The following TSEN15 variants were observed in gnomAD, a reference collection of about 807,000 sequenced individuals.
TSEN15 encodes the protein tRNA splicing endonuclease subunit 15.
Under a neutral mutation model 20.5 loss-of-function variants are expected in TSEN15, and 10 were observed. That is an observed-to-expected ratio of 0.49 (90% CI 0.30 to 0.83). TSEN15 has a LOEUF of 0.83. TSEN15 is among the 40% of genes least tolerant of loss of function. TSEN15 has a pLI of 0.06. For missense variants in TSEN15, 180 were observed against 218.6 expected (o/e 0.82, Z 1.11); for synonymous variants, 72 against 80.1 (o/e 0.90, Z 0.54).
chr1:184,063,684 T>C lies in TSEN15; in HGVS notation c.354-8473T>C, dbSNP rs574705775. ...AAGACTGCCAATAGTAATTTTTCTT[T>C]TTTAAAGGACATGATTAAAGAACAT... On this transcript the variant is annotated intron_variant, in intron 3 of 4. Transcript: ENST00000645668. 3.9e-5 allele frequency among the ~76,000 whole-genome samples: 6 copies of C among 152,296 alleles called. No homozygotes were observed. The East Asian group carries it at 9.6e-4, about 24-fold the overall frequency.
chr1:184,077,611 C>T (rs1651089142), downstream of TSEN15, among the ~76,000 whole-genome samples: 1 of 152,022 alleles, frequency 6.6e-6, no homozygotes, highest in African/African-American at 2.4e-5. Flanking sequence ...GACAACCTTC[C>T]AGAAAAGGAC....
At position 184,072,251 on chromosome 1, in the gene TSEN15, A is replaced by G. The variant is rs374264447; in HGVS notation, c.448A>G (p.Ile150Val). 45 of 1,613,374 alleles carry G rather than the reference A, an allele frequency of 2.8e-5. No individual in the cohort carries two copies. Among genetic ancestry groups the G allele is most frequent in the Non-Finnish European group, 3.7e-5 (44 of 1,179,696 alleles). Residue 150 changes from isoleucine to valine, a missense_variant, in exon 4 of 5, where the codon ATA (isoleucine) becomes GTA (valine). This residue lies in a region of TSEN15 where 28 missense variants were observed against 28.7 expected (regional missense o/e 0.98). Transcript: ENST00000645668. ...TLAIVESDST[I>V]VYYKLTDGFM... is the part of the protein sequence containing the mutation. ...GGCCATAGTGGAGTCTGATTCTACAATAGTCTATTATAAACTTACTGATGG... is the reference window on the plus strand; with the variant it reads ...GGCCATAGTGGAGTCTGATTCTACAGTAGTCTATTATAAACTTACTGATGG...
At chr1:184,066,125 G>C (rs1377294391) in intron 3 of TSEN15, among the ~76,000 whole-genome samples, 2 of 152,058 alleles carry the variant, frequency 1.3e-5, no homozygotes, top group South Asian at 2.1e-4. Context: ...TTTACATTAA[G>C]GTCTGTGATC....
chr1:184,060,235 A>G (rs1426271713), intron 3 of TSEN15, among the ~76,000 whole-genome samples: 2 of 152,232 alleles, frequency 1.3e-5, no homozygotes, highest in Non-Finnish European at 2.9e-5. Flanking sequence ...GGAACTTTTG[A>G]ACAGAACTAC....
At chr1:184,077,543 G>A (rs777841835), downstream of TSEN15, among the ~76,000 whole-genome samples, 4 of 152,102 alleles carry the variant, frequency 2.6e-5, no homozygotes, top group Non-Finnish European at 5.9e-5. Flanking sequence ...AATACATTTT[G>A]TAAGGCTGTA....
chr1:184,054,131 C>T (rs1258790374), intron 1 of TSEN15, among the ~76,000 whole-genome samples: 1 of 152,196 alleles, frequency 6.6e-6, no homozygotes, highest in Non-Finnish European at 1.5e-5. Context: ...TTTTTAATCA[C>T]TTACAGTCAT....
At chr1:184,072,548 TATTTTATGAAGTC>T (rs1650924846) in intron 4 of TSEN15, 2 of 553,320 alleles carry the variant, frequency 3.6e-6, no homozygotes, top group Non-Finnish European at 6.2e-6. Flanking sequence ...TTTTCCAAAG[TATTTTATGAAGTC>T]ATCATGCATT....
intron 3 of TSEN15, among the ~76,000 whole-genome samples, chr1:184,066,454 G>A (rs569982214): frequency 1.5e-4 from 23 of 152,012 alleles, no homozygotes; most frequent in Middle Eastern, 3.4e-3. Context: ...CCAAGTTGGA[G>A]TGGAGTGGCA....
chr1:184,070,806 A>C (rs1250410831), intron 3 of TSEN15: 4 of 476,146 alleles, frequency 8.4e-6, no homozygotes, highest in Non-Finnish European at 1.2e-5. Flanking sequence ...CATTCTTGTG[A>C]ATAAGAATCT....
At chr1:184,087,202 CA>C (rs1051892270) in intron 3 of TSEN15, among the ~76,000 whole-genome samples, 38 of 152,122 alleles carry the variant, frequency 2.5e-4, no homozygotes, top group African/African-American at 8.4e-4. Flanking sequence ...AAAGAAAATA[CA>C]TAATTTTAAT....
intron 4 of TSEN15, 26 bp downstream of exon 4, chr1:184,072,324 A>G (rs1285312067): frequency 3.2e-6 from 5 of 1,579,270 alleles, no homozygotes; most frequent in Non-Finnish European, 3.4e-6. Context: ...ACTGACAGCA[A>G]GAAGTACAAA....
At chr1:184,063,387 G>GTACAAAAATT (rs1650535877) in intron 3 of TSEN15, among the ~76,000 whole-genome samples, 2 of 152,088 alleles carry the variant, frequency 1.3e-5, no homozygotes, top group Non-Finnish European at 2.9e-5. Flanking sequence ...AAATTATTTT[G>GTACAAAAATT]GCAAGAGTAT....
At chr1:184,076,438 CCTTA>C (rs1651063030), downstream of TSEN15, among the ~76,000 whole-genome samples, 1 of 152,062 alleles carries the variant, frequency 6.6e-6, no homozygotes, top group Non-Finnish European at 1.5e-5. Context: ...CATTTCTCTC[CCTTA>C]CTTCTGGCCT....
At chr1:184,083,366 A>G (rs1651204818) in intron 3 of TSEN15, among the ~76,000 whole-genome samples, 1 of 152,246 alleles carries the variant, frequency 6.6e-6, no homozygotes. Flanking sequence ...AGTTCTGAGA[A>G]ATCAAAATAA....
intron 3 of TSEN15, among the ~76,000 whole-genome samples, chr1:184,092,631 C>T (rs1651380227): frequency 6.6e-6 from 1 of 152,182 alleles, no homozygotes; most frequent in South Asian, 2.1e-4. Flanking sequence ...TTTTCATCTT[C>T]CTGAAACACT....
At chr1:184,076,556 T>A (rs1390296646), downstream of TSEN15, among the ~76,000 whole-genome samples, 1 of 152,156 alleles carries the variant, frequency 6.6e-6, no homozygotes, top group African/African-American at 2.4e-5. Flanking sequence ...TCTGTCACTT[T>A]AAATCAAAAG....
intron 3 of TSEN15, chr1:184,094,793 G>A (rs1283367188): frequency 2.7e-6 from 1 of 376,360 alleles, no homozygotes; most frequent in Non-Finnish European, 4.7e-6. Context: ...TAAGCCATCA[G>A]TCTCCAGAGA....
downstream of TSEN15, among the ~76,000 whole-genome samples, chr1:184,075,387 GT>G (rs1651039891): frequency 6.6e-6 from 1 of 152,114 alleles, no homozygotes; most frequent in African/African-American, 2.4e-5. Flanking sequence ...AAGTAATTTT[GT>G]AAGTGAGTTT....
At chr1:184,075,904 A>ATT (rs1235716360), downstream of TSEN15, among the ~76,000 whole-genome samples, 1 of 98,826 alleles carries the variant, frequency 1.0e-5, no homozygotes, top group African/African-American at 3.8e-5. Flanking sequence ...ATATATATAT[A>ATT]TATATATTTT....
Sources: gnomAD v4.1 joint callset for allele counts (sites outside exome capture counted in the v4.1 genomes callset) on GRCh38, gnomAD v4.1.1 for gene constraint, gnomAD v4.1.1 regional missense constraint, MANE v1.5 for transcripts, NCBI Gene and HGNC (gene_info 2026-07-23, HGNC 2026-07-21) for gene names.